Variants in SNTN observed in about 807,000 individuals in gnomAD.
SNTN encodes sentan.
Under a neutral mutation model 12.3 loss-of-function variants are expected in SNTN, and 13 were observed. The ratio of observed to expected loss-of-function variants is 1.05; its 90% CI spans 0.69 to 1.67. The LOEUF (loss-of-function observed/expected upper bound fraction) is 1.67, where lower values mean the gene tolerates loss of function less well. SNTN is among the 40% of genes most tolerant of loss of function. The probability of loss-of-function intolerance (pLI) is 0.00; values close to 1 mark genes in which losing one functional copy is unlikely to be tolerated. For missense variants in SNTN, 189 were observed against 169.8 expected, an observed-to-expected ratio of 1.11 and a Z score of -0.63; for synonymous variants, 69 against 58.5, an observed-to-expected ratio of 1.18 and a Z score of -0.82.
At chr3:63,654,618 A>T (rs540158591) in intron 1 of SNTN, 144 bp from the exon 2 acceptor site, 58 of 679,636 alleles carry the variant, frequency 8.5e-5, no homozygotes, top group Non-Finnish European at 1.3e-4. Flanking sequence ...AAGGATTTTG[A>T]AACACAGATG....
At chr3:63,659,997 C>A in intron 3 of SNTN, 133 bp downstream of exon 3, 2 of 1,039,650 alleles carry the variant, frequency 1.9e-6, no homozygotes, top group Non-Finnish European at 1.4e-6. Context: ...CTACCTTATG[C>A]CAGGCAGTGA....
chr3:63,664,321 T>C lies in SNTN; in HGVS notation c.*226T>C, dbSNP rs1700778256. ...GTGCTTTACAATAGGATAGATTTGA[T>C]ACCACTGAATAATAAATGGCTTTTG... On this transcript the variant is annotated 3_prime_UTR_variant, in exon 4 of 4. Coordinates refer to ENST00000343837, the MANE Select transcript of SNTN (RefSeq NM_001080537.2). The C allele has an allele frequency of 9.3e-6, 4 of 430,326 alleles. No homozygotes were observed. The highest frequency in any genetic ancestry group is 2.0e-5 in the African/African-American group (1 of 49,178). The allele number at this position is 430,326 out of a possible 1,614,324, so 26.7% of individuals were successfully genotyped here.
At chr3:63,657,493 C>T (rs192672004) in intron 2 of SNTN, among the ~76,000 whole-genome samples, 4 of 152,314 alleles carry the variant, frequency 2.6e-5, no homozygotes, top group South Asian at 2.1e-4. Flanking sequence ...GAAACTAAAA[C>T]GCCTCACCGA....
At chr3:63,659,060 G>T (rs1439102637) in intron 2 of SNTN, among the ~76,000 whole-genome samples, 1 of 152,142 alleles carries the variant, frequency 6.6e-6, no homozygotes, top group South Asian at 2.1e-4. Flanking sequence ...ATGTATTGGT[G>T]ACTAAAAGAA....
rs540897703 is a variant in SNTN at position 63,659,670 on chromosome 3, G to A, written c.146-55G>A. 1.0e-5 allele frequency: 16 copies of A among 1,604,076 alleles called. No individual in the cohort carries two copies. The East Asian group carries it at 1.3e-4, about 13-fold the overall frequency. On this transcript the variant is annotated intron_variant, in intron 2 of 3. Coordinates refer to ENST00000343837, the MANE Select transcript of SNTN (RefSeq NM_001080537.2). ...CCTTGGAAGACACAACAGCAGGTCTGGGGAAGGGTTATTTCTAACTCAGGA... is the reference window on the plus strand; with the variant it reads ...CCTTGGAAGACACAACAGCAGGTCTAGGGAAGGGTTATTTCTAACTCAGGA...
chr3:63,661,402 A>G (rs1039497241), intron 3 of SNTN, among the ~76,000 whole-genome samples: 1 of 152,204 alleles, frequency 6.6e-6, no homozygotes, highest in Non-Finnish European at 1.5e-5. Flanking sequence ...AAACACCTAT[A>G]TATGGTTTCA....
intron 3 of SNTN, among the ~76,000 whole-genome samples, chr3:63,662,025 A>G (rs576859130): frequency 1.3e-5 from 2 of 152,204 alleles, no homozygotes; most frequent in African/African-American, 4.8e-5. Flanking sequence ...AGTACAGCCA[A>G]TTTCTGGATC....
rs189544448 is a variant in SNTN at position 63,654,361 on chromosome 3, T to C, written c.111-401T>C. ...CCAGGTCTGTGACTGTTTTACTCCA[T>C]GCAGTCACGTGAGACACAGGATGAT... On this transcript the variant is annotated intron_variant, in intron 1 of 3. Transcript: ENST00000343837. 1.6e-4 allele frequency among the ~76,000 whole-genome samples: 24 copies of C among 152,316 alleles called. No homozygotes were observed. In the East Asian group the frequency reaches 3.5e-3, roughly 22 times the overall value.
chr3:63,663,947 C>T lies in SNTN; in HGVS notation c.296C>T (p.Thr99Ile). ...TCTCCATTCTCACAGGGACAAGAAACCAAGCCAAAATACAGAGAGATCCTT... is the reference window on the plus strand; with the variant it reads ...TCTCCATTCTCACAGGGACAAGAAATCAAGCCAAAATACAGAGAGATCCTT... Reference protein sequence around the residue: ...QFRNFAEGQETKPKYREILSE... With the variant: ...QFRNFAEGQEIKPKYREILSE... Residue 99 changes from threonine to isoleucine, a missense_variant, in exon 4 of 4, where the codon ACC (threonine) becomes ATC (isoleucine). Coordinates refer to ENST00000343837, the MANE Select transcript of SNTN (RefSeq NM_001080537.2). 3.7e-6 allele frequency: 6 copies of T among 1,610,626 alleles called. No homozygotes were observed. Among genetic ancestry groups the T allele is most frequent in the Non-Finnish European group, 5.1e-6 (6 of 1,179,128 alleles).
At chr3:63,655,728 A>C (rs1321924995) in intron 2 of SNTN, among the ~76,000 whole-genome samples, 1 of 152,190 alleles carries the variant, frequency 6.6e-6, no homozygotes, top group Non-Finnish European at 1.5e-5. Flanking sequence ...CCTTAAAAAA[A>C]ACACAGGATA....
intron 2 of SNTN, among the ~76,000 whole-genome samples, chr3:63,659,328 C>T (rs1347331188): frequency 6.6e-6 from 1 of 152,170 alleles, no homozygotes; most frequent in Admixed American, 6.5e-5. Flanking sequence ...ATATAAATTC[C>T]ACAAGAGTAG....
At chr3:63,658,430 A>T (rs1700707277) in intron 2 of SNTN, among the ~76,000 whole-genome samples, 1 of 148,698 alleles carries the variant, frequency 6.7e-6, no homozygotes, top group South Asian at 2.1e-4. Flanking sequence ...ATATATGTAA[A>T]ATATATATAA....
chr3:63,652,768 C>T lies in SNTN; in HGVS notation c.81C>T (p.Ser27=), dbSNP rs200263709. 6.4e-5 allele frequency: 103 copies of T among 1,613,952 alleles called. 1 individual carries two copies. Among genetic ancestry groups the T allele is most frequent in the South Asian group, 3.3e-4 (30 of 91,088 alleles). The change falls in exon 1 of 4, where the codon TCC becomes TCT. Residue 27 remains serine (S), a synonymous_variant. Transcript: ENST00000343837. ...CCAATCCTTCTGCAGCCCCAACATCCACCTGCGCACCTAGGAAAATGCCCA... is the reference window on the plus strand; with the variant it reads ...CCAATCCTTCTGCAGCCCCAACATCTACCTGCGCACCTAGGAAAATGCCCA... ...GDPNPSAAPT[S]TCAPRKMPKR... is the part of the protein sequence containing the mutation.
At chr3:63,663,880 A>T in intron 3 of SNTN, 57 bp from the exon 4 acceptor site, 5 of 1,555,442 alleles carry the variant, frequency 3.2e-6, no homozygotes, top group Non-Finnish European at 4.4e-6. Context: ...ATTGTTTATG[A>T]TCTGTAAACC....
chr3:63,654,002 C>T (rs554333644), intron 1 of SNTN, among the ~76,000 whole-genome samples: 8 of 152,322 alleles, frequency 5.3e-5, no homozygotes, highest in Non-Finnish European at 7.4e-5. Context: ...GCATGGAACA[C>T]GCTTCCTCCT....
chr3:63,661,560 T>C (rs1012270524), intron 3 of SNTN, among the ~76,000 whole-genome samples: 3 of 152,108 alleles, frequency 2.0e-5, no homozygotes, highest in African/African-American at 2.4e-5. Flanking sequence ...TTAATAAGGG[T>C]TAGCTATTTT....
intron 3 of SNTN, among the ~76,000 whole-genome samples, chr3:63,662,743 C>T (rs1041614838): frequency 6.6e-6 from 1 of 152,162 alleles, no homozygotes; most frequent in African/African-American, 2.4e-5. Flanking sequence ...GCATCATTCC[C>T]AAAGTGCCTT....
In SNTN at chr3:63,661,856, A is replaced by G. The variant is rs1473897066; in HGVS notation, c.285+1992A>G. 4.6e-5 allele frequency among the ~76,000 whole-genome samples: 7 copies of G among 152,202 alleles called. No homozygotes were observed. In the East Asian group the frequency reaches 1.4e-3, roughly 29 times the overall value. ...TTACCTGGTAACCTGGCAAATGCTC[A>G]GCAAGCTTTTAACACATATGAAAAT... On this transcript the variant is annotated intron_variant, in intron 3 of 3. Transcript: ENST00000343837.
Position 63,664,730 on chromosome 3 carries a change from T to TTTTTATTTTATTTTATTTTA in SNTN, c.*655_*674dup, listed in dbSNP as rs3086870. 98 of 144,150 alleles carry TTTTTATTTTATTTTATTTTA rather than the reference T, an allele frequency of 6.8e-4. No homozygotes were observed. Among genetic ancestry groups the TTTTTATTTTATTTTATTTTA allele is most frequent in the Middle Eastern group, 3.5e-3 (1 of 286 alleles). The allele number at this position is 144,150 out of a possible 1,614,324, so 8.9% of individuals were successfully genotyped here. A position where few individuals can be genotyped will look rare whatever the true frequency, so the allele number is the denominator to read the frequency against. ...TGTCCACAAATGGCACAAGGGGAGT[T>TTTTTATTTTATTTTATTTTA]TTTTATTTTATTTTATTTTATTTTA... On this transcript the variant is annotated 3_prime_UTR_variant, in exon 4 of 4. Coordinates refer to ENST00000343837, the MANE Select transcript of SNTN (RefSeq NM_001080537.2).
Sources: gnomAD v4.1 joint callset for allele counts (sites outside exome capture counted in the v4.1 genomes callset) on GRCh38, gnomAD v4.1.1 for gene constraint, MANE v1.5 for transcripts, NCBI Gene and HGNC (gene_info 2026-07-23, HGNC 2026-07-21) for gene names.